The following C17orf75 variants were observed in gnomAD, a reference collection of about 807,000 sequenced individuals.
C17orf75 encodes chromosome 17 open reading frame 75.
C17orf75 carries 32 observed loss-of-function variants against 49.6 expected under a neutral mutation model. The observed-to-expected ratio is 0.65, with a 90% CI of 0.49 to 0.87. The LOEUF (loss-of-function observed/expected upper bound fraction) is 0.87, where lower values mean the gene tolerates loss of function less well. C17orf75 is among the 40% of genes least tolerant of loss of function. The probability of loss-of-function intolerance (pLI) is 0.00; values close to 1 mark genes in which losing one functional copy is unlikely to be tolerated. For synonymous variants in C17orf75, 158 were observed against 159.5 expected, an observed-to-expected ratio of 0.99 and a Z score of 0.07; for missense variants, 428 against 473.9, an observed-to-expected ratio of 0.90 and a Z score of 0.90.
chr17:32,342,100 T>G lies in C17orf75; in HGVS notation c.40A>C (p.Lys14Gln), dbSNP rs1451137991. The change falls in exon 1 of 10, where the codon AAG (lysine) becomes CAG (glutamine). Residue 14 changes from lysine (K) to glutamine (Q), a missense_variant. Transcript: ENST00000577809. ...SLQESMDGDEKELESSEEGGS... is the reference protein window; with the variant it reads ...SLQESMDGDEQELESSEEGGS... ...CCCTCTTCGCTGCTCTCTAGTTCCT[T>G]TTCATCTCCATCCATCGACTCCTGC... is the stretch of plus-strand genomic sequence containing the variant. 12 of 1,601,000 alleles carry G rather than the reference T, an allele frequency of 7.5e-6. No individual in the cohort carries two copies. The highest frequency in any genetic ancestry group is 1.7e-4 in the Middle Eastern group (1 of 6,040).
intron 2 of C17orf75, 178 bp downstream of exon 2, chr17:32,341,026 C>A (rs2041374747): frequency 3.1e-6 from 2 of 650,994 alleles, no homozygotes; most frequent in African/African-American, 1.8e-5. Flanking sequence ...TTTGTTTGCC[C>A]CAGCCTTGAA....
intron 3 of C17orf75, among the ~76,000 whole-genome samples, chr17:32,339,399 C>A (rs1188929648): frequency 6.7e-6 from 1 of 148,896 alleles, no homozygotes; most frequent in African/African-American, 2.5e-5. Context: ...CATGGTAGGA[C>A]CCCATTTCTA....
At chr17:32,338,066 G>A in intron 4 of C17orf75, 112 bp from the exon 5 acceptor site, 1 of 1,512,654 alleles carries the variant, frequency 6.6e-7, no homozygotes, top group Non-Finnish European at 9.1e-7. Context: ...AACAAGCCAA[G>A]GCAAAATGGC....
At chr17:32,335,950 C>G (rs2041320974) in intron 5 of C17orf75, among the ~76,000 whole-genome samples, 1 of 152,200 alleles carries the variant, frequency 6.6e-6, no homozygotes, top group Admixed American at 6.5e-5. Flanking sequence ...CACTCCACTC[C>G]ACTCCAGATG....
chr17:32,331,187 G>A lies in C17orf75; in HGVS notation c.*576C>T, dbSNP rs1245623032. 6.6e-6 allele frequency: 1 copy of A among 152,496 alleles called. No homozygotes were observed. The highest frequency in any genetic ancestry group is 1.5e-5 in the Non-Finnish European group (1 of 68,332). The allele number at this position is 152,496 out of a possible 1,614,324, so 9.4% of individuals were successfully genotyped here. A position where few individuals can be genotyped will look rare whatever the true frequency, so the allele number is the denominator to read the frequency against. ...TATCTTGAAGCTAGTGCATCGATTT[G>A]TAAAGCTCATTTAATTTTCTACATA... On this transcript the variant is annotated 3_prime_UTR_variant, in exon 10 of 10. Transcript: ENST00000577809.
At chr17:32,332,730 C>T (rs992358505) in intron 9 of C17orf75, among the ~76,000 whole-genome samples, 1 of 152,182 alleles carries the variant, frequency 6.6e-6, no homozygotes, top group African/African-American at 2.4e-5. Flanking sequence ...TGCACCACTG[C>T]ACTCTAGCCT....
chr17:32,334,394 G>A, intron 8 of C17orf75, 75 bp downstream of exon 8: 1 of 1,498,316 alleles, frequency 6.7e-7, no homozygotes, highest in Non-Finnish European at 8.9e-7. Flanking sequence ...GAATAAGGTT[G>A]TATCATAGGC....
chr17:32,344,038 T>C (rs74319086), upstream of C17orf75: 1 of 671,910 alleles, frequency 1.5e-6, no homozygotes, highest in Non-Finnish European at 2.7e-6. Flanking sequence ...GGGTGCATTG[T>C]ACTTGAATAG....
intron 1 of C17orf75, among the ~76,000 whole-genome samples, chr17:32,347,739 C>T (rs1023298082): frequency 6.6e-6 from 1 of 151,436 alleles, no homozygotes; most frequent in Non-Finnish European, 1.5e-5. Context: ...AATCACTAAT[C>T]CCCCCCCACC....
In C17orf75 at chr17:32,334,848, G is replaced by C; in HGVS notation, c.670-9C>G. ...GGAGTGTAACTCAAAGCCTATGAGA[G>C]AAAAATAAAGCCTGATTGGTACATA... On this transcript the variant is annotated splice_polypyrimidine_tract_variant and intron_variant, in intron 6 of 9. Coordinates refer to ENST00000577809, the MANE Select transcript of C17orf75 (RefSeq NM_022344.4). 1 of 1,598,578 alleles carries C rather than the reference G, an allele frequency of 6.3e-7. No homozygotes were observed. Among genetic ancestry groups the C allele is most frequent in the East Asian group, 2.2e-5 (1 of 44,838 alleles).
chr17:32,346,791 T>C (rs1258213324), upstream of C17orf75, among the ~76,000 whole-genome samples: 1 of 152,196 alleles, frequency 6.6e-6, no homozygotes, highest in Admixed American at 6.5e-5. Context: ...CAGGATGGTC[T>C]CAATCTCTTG....
chr17:32,342,133 G>C lies in C17orf75; in HGVS notation c.7C>G (p.Pro3Ala), dbSNP rs1358069341. The change falls in exon 1 of 10, where the codon CCC (proline) becomes GCC (alanine). Residue 3 changes from proline to alanine, a missense_variant. Physicochemically the swap from Pro to Ala is conservative, Grantham distance 27. Transcript: ENST00000577809. ...CCATCCATCGACTCCTGCAAAGAGG[G>C]GAGCATTGCGGCGGCCTCTGAGCGG... ML[P>A]SLQESMDGDE... 9 of 1,598,070 alleles carry C rather than the reference G, an allele frequency of 5.6e-6. No individual in the cohort carries two copies. The African/African-American group carries it at 8.1e-5, about 14-fold the overall frequency.
chr17:32,335,524 T>C (rs2041316458), intron 5 of C17orf75, 82 bp from the exon 6 acceptor site: 2 of 1,534,678 alleles, frequency 1.3e-6, no homozygotes, highest in African/African-American at 1.4e-5. Context: ...ATATCCTTGA[T>C]GGTGAAAAAG....
intron 4 of C17orf75, 85 bp downstream of exon 4, chr17:32,338,123 C>G (rs545098666): frequency 1.3e-6 from 2 of 1,571,150 alleles, no homozygotes; most frequent in Admixed American, 1.9e-5. Flanking sequence ...AGTAGAAAAG[C>G]TTTTTGGAGG....
chr17:32,343,296 G>A (rs2041397691), upstream of C17orf75, among the ~76,000 whole-genome samples: 1 of 142,578 alleles, frequency 7.0e-6, no homozygotes, highest in Non-Finnish European at 1.5e-5. Context: ...GTGCATGCGT[G>A]TGTTTTGTGT....
At chr17:32,345,464 A>G (rs2041418353), upstream of C17orf75, among the ~76,000 whole-genome samples, 1 of 152,178 alleles carries the variant, frequency 6.6e-6, no homozygotes, top group Non-Finnish European at 1.5e-5. Context: ...CAACAGAGTA[A>G]GACTCCATCT....
chr17:32,349,300 A>ACAGTACGG (rs1488734051), intron 1 of C17orf75, among the ~76,000 whole-genome samples: 3 of 151,660 alleles, frequency 2.0e-5, no homozygotes, highest in South Asian at 2.1e-4. Context: ...AACCTTTCTT[A>ACAGTACGG]TGTCGGGCGC....
At chr17:32,334,654 G>A (rs1305143405) in intron 7 of C17orf75, 49 bp from the exon 8 acceptor site, 3 of 1,599,370 alleles carry the variant, frequency 1.9e-6, no homozygotes, top group Admixed American at 3.5e-5. Flanking sequence ...CAGGACGGAA[G>A]GATGAAAACA....
Position 32,331,901 on chromosome 17 carries a change from G to T in C17orf75, c.1053C>A (p.Tyr351Ter). 6.2e-7 allele frequency: 1 copy of T among 1,613,426 alleles called. No homozygotes were observed. Among genetic ancestry groups the T allele is most frequent in the Non-Finnish European group, 8.5e-7 (1 of 1,179,510 alleles). The part of the protein sequence containing the change: ...EMNHYALFKC[Y>*]MFLKNCGSGD... ...CACTACCACAGTTCTTTAGGAACAT[G>T]TAACATTTAAACAAAGCATAATGAT... Residue 351 changes from tyrosine (Y) to a stop codon, truncating the protein, a stop_gained, in exon 10 of 10, where the codon TAC becomes TAA. Transcript: ENST00000577809. LOFTEE classifies it high-confidence loss of function.
Sources: gnomAD v4.1 joint callset for allele counts (sites outside exome capture counted in the v4.1 genomes callset) on GRCh38, gnomAD v4.1.1 for gene constraint, MANE v1.5 for transcripts, NCBI Gene and HGNC (gene_info 2026-07-23, HGNC 2026-07-21) for gene names.